Variants in KAZN observed in about 807,000 individuals in gnomAD.
KAZN encodes kazrin, periplakin interacting protein.
KAZN carries 40 observed loss-of-function variants against 87.4 expected under a neutral mutation model. The ratio of observed to expected loss-of-function variants is 0.46; its 90% confidence interval spans 0.36 to 0.60. KAZN has a LOEUF of 0.60. Ranked by LOEUF, KAZN falls within the 20% of genes least tolerant of loss-of-function variation. KAZN has a pLI of 0.00. For synonymous variants in KAZN, 466 were observed against 458.3 expected, an observed-to-expected ratio of 1.02 and a Z score of -0.22; for missense variants, 898 against 1,073.9, an observed-to-expected ratio of 0.84 and a Z score of 2.29.
At chr1:13,898,455 C>G (rs1235974104) in intron 1 of KAZN, among the ~76,000 whole-genome samples, 1 of 152,212 alleles carries the variant, frequency 6.6e-6, no homozygotes, top group Non-Finnish European at 1.5e-5. Flanking sequence ...TGATTTCCAA[C>G]CCGTTTCATG....
intron 1 of KAZN, among the ~76,000 whole-genome samples, chr1:14,894,324 C>T (rs761338294): frequency 1.3e-5 from 2 of 152,218 alleles, no homozygotes; most frequent in African/African-American, 4.8e-5. Context: ...GCACCTGGCT[C>T]ACTAACTCCC....
chr1:14,103,388 C>G (rs1644302331), intron 1 of KAZN, among the ~76,000 whole-genome samples: 1 of 152,172 alleles, frequency 6.6e-6, no homozygotes, highest in South Asian at 2.1e-4. Context: ...AAAGGAGACA[C>G]AATTCAGCCC....
intron 2 of KAZN, among the ~76,000 whole-genome samples, chr1:14,995,138 G>A (rs1159087623): frequency 2.6e-5 from 4 of 152,212 alleles, no homozygotes; most frequent in African/African-American, 7.2e-5. Flanking sequence ...CAGAGTGTAT[G>A]TCTTTAAAAC....
chr1:14,352,256 T>G (rs749465185), intron 2 of KAZN, among the ~76,000 whole-genome samples: 4 of 152,170 alleles, frequency 2.6e-5, no homozygotes, highest in Non-Finnish European at 4.4e-5. Context: ...AGCAGCATTT[T>G]TTTTTTCACT....
chr1:14,011,278 T>C (rs1456204134), intron 1 of KAZN, among the ~76,000 whole-genome samples: 2 of 152,232 alleles, frequency 1.3e-5, no homozygotes, highest in African/African-American at 4.8e-5. Flanking sequence ...TTTCGCACTC[T>C]TTCTTGCTCA....
chr1:14,438,586 G>A (rs1427466209), intron 2 of KAZN, among the ~76,000 whole-genome samples: 1 of 152,212 alleles, frequency 6.6e-6, no homozygotes, highest in Non-Finnish European at 1.5e-5. Flanking sequence ...GAAATGGCAA[G>A]GAGGCCAGAG....
chr1:14,440,888 A>T (rs1050580622), intron 2 of KAZN, among the ~76,000 whole-genome samples: 11 of 152,184 alleles, frequency 7.2e-5, no homozygotes, highest in Admixed American at 6.5e-4. Flanking sequence ...TTCAACGCAG[A>T]TGAGTGACGC....
chr1:14,665,034 C>T (rs1404575792), intron 1 of KAZN, among the ~76,000 whole-genome samples: 1 of 152,202 alleles, frequency 6.6e-6, no homozygotes, highest in Non-Finnish European at 1.5e-5. Context: ...CACAAATGAT[C>T]CTTCTGCCCA....
intron 2 of KAZN, among the ~76,000 whole-genome samples, chr1:15,017,579 G>A (rs1026770443): frequency 9.2e-5 from 14 of 152,260 alleles, no homozygotes; most frequent in African/African-American, 2.6e-4. Flanking sequence ...TGAGGTGGGC[G>A]GATCACCTTC....
intron 1 of KAZN, among the ~76,000 whole-genome samples, chr1:14,867,055 A>T (rs188011043): frequency 2.6e-4 from 39 of 152,132 alleles, no homozygotes; most frequent in African/African-American, 9.1e-4. Flanking sequence ...TGGACTGCTG[A>T]CCTTGCAATG....
At chr1:14,426,110 T>C (rs1217257220) in intron 2 of KAZN, among the ~76,000 whole-genome samples, 4 of 152,250 alleles carry the variant, frequency 2.6e-5, no homozygotes, top group African/African-American at 7.2e-5. Context: ...CTGAATCAGC[T>C]CAGCCTCACT....
intron 1 of KAZN, among the ~76,000 whole-genome samples, chr1:14,638,328 G>A (rs1272581895): frequency 6.6e-6 from 1 of 152,160 alleles, no homozygotes; most frequent in Non-Finnish European, 1.5e-5. Context: ...CAGCACTTTG[G>A]GAGGCCGAGG....
At chr1:14,395,053 T>C (rs959180077) in intron 2 of KAZN, among the ~76,000 whole-genome samples, 1 of 151,764 alleles carries the variant, frequency 6.6e-6, no homozygotes, top group Non-Finnish European at 1.5e-5. Context: ...TGGTACAGAA[T>C]AGGCCCTACT....
At chr1:14,261,407 A>G (rs1651001674) in intron 2 of KAZN, among the ~76,000 whole-genome samples, 1 of 151,986 alleles carries the variant, frequency 6.6e-6, no homozygotes, top group Admixed American at 6.6e-5. Flanking sequence ...AGTTTCCAGG[A>G]CTCGGGTTAA....
chr1:14,000,875 C>A (rs995694697), intron 1 of KAZN, among the ~76,000 whole-genome samples: 10 of 151,630 alleles, frequency 6.6e-5, no homozygotes, highest in African/African-American at 2.4e-4. Context: ...CTCCGCCTCC[C>A]GGGTTCACGC....
intron 2 of KAZN, among the ~76,000 whole-genome samples, chr1:14,566,341 T>C (rs1179494371): frequency 6.6e-6 from 1 of 152,206 alleles, no homozygotes; most frequent in African/African-American, 2.4e-5. Flanking sequence ...ACTTAAAATA[T>C]TCAGTAAACC....
chr1:14,379,095 CA>C lies in KAZN; in HGVS notation c.249+198504del, dbSNP rs1661153673. Among the ~76,000 whole-genome samples the C allele has an allele frequency of 2.0e-5, 3 of 148,984 alleles. No individual in the cohort carries two copies. In the Admixed American group the frequency reaches 2.0e-4, roughly 10 times the overall value. On this transcript the variant is annotated intron_variant, in intron 2 of 16. Transcript: ENST00000636203. ...CCAGTTAGTCATGAGGCCCCATTTC[CA>C]GGCCTGAGCTCCCAGACAACATTTC... is the stretch of plus-strand genomic sequence containing the variant.
At chr1:14,844,711 C>T (rs1648495116) in intron 1 of KAZN, among the ~76,000 whole-genome samples, 1 of 151,098 alleles carries the variant, frequency 6.6e-6, no homozygotes. Context: ...CTTTCAGTCT[C>T]TTCTTGGCTT....
intron 2 of KAZN, among the ~76,000 whole-genome samples, chr1:14,521,317 C>T (rs978294962): frequency 2.0e-5 from 3 of 152,202 alleles, no homozygotes; most frequent in East Asian, 1.9e-4. Context: ...ACAGAAATGT[C>T]GCCCTCACTG....
Sources: gnomAD v4.1 joint callset for allele counts (sites outside exome capture counted in the v4.1 genomes callset) on GRCh38, gnomAD v4.1.1 for gene constraint, MANE v1.5 for transcripts, NCBI Gene and HGNC (gene_info 2026-07-23, HGNC 2026-07-21) for gene names.